The following LRRTM4 variants were observed in gnomAD, a reference collection of about 807,000 sequenced individuals.
The protein encoded by LRRTM4 is leucine-rich repeat transmembrane neuronal protein 4.
Under a neutral mutation model 47.6 loss-of-function variants are expected in LRRTM4, and 25 were observed. The ratio of observed to expected loss-of-function variants is 0.53; its 90% CI spans 0.38 to 0.73. LRRTM4 has a LOEUF of 0.73. Among genes scored for constraint, LRRTM4 ranks in the 30% least tolerant of loss-of-function variants. LRRTM4 has a pLI of 0.00. For synonymous variants in LRRTM4, 311 were observed against 269.5 expected (o/e 1.15, Z -1.51); for missense variants, 638 against 713.4 (o/e 0.89, Z 1.20).
At position 77,042,446 on chromosome 2, in the gene LRRTM4, T is replaced by A. The variant is rs1679066140; in HGVS notation, c.1552-293530A>T. Among the ~76,000 whole-genome samples, 10 of 151,770 alleles carry A rather than the reference T, an allele frequency of 6.6e-5. No homozygotes were observed. In the South Asian group the frequency reaches 2.1e-3, roughly 31 times the overall value. On this transcript the variant is annotated intron_variant, in intron 3 of 3. Coordinates refer to ENST00000409884, the MANE Select transcript of LRRTM4 (RefSeq NM_001134745.3). ...TTTTTAAAAAGTTATTGAGATTATCTCTATTATAAAATTTACTTTGATGTA... is the reference window on the plus strand; with the variant it reads ...TTTTTAAAAAGTTATTGAGATTATCACTATTATAAAATTTACTTTGATGTA...
At chr2:77,333,847 G>C (rs1671060380) in intron 3 of LRRTM4, among the ~76,000 whole-genome samples, 1 of 152,144 alleles carries the variant, frequency 6.6e-6, no homozygotes, top group African/African-American at 2.4e-5. Context: ...CCATGCACCT[G>C]GAAAAGCTGC....
chr2:76,840,932 C>T (rs557935076), intron 3 of LRRTM4, among the ~76,000 whole-genome samples: 1 of 151,662 alleles, frequency 6.6e-6, no homozygotes, highest in South Asian at 2.1e-4. Context: ...TGGGTATATA[C>T]CCAAAGGATT....
intron 3 of LRRTM4, among the ~76,000 whole-genome samples, chr2:77,201,659 A>C (rs1673978427): frequency 6.6e-6 from 1 of 152,108 alleles, no homozygotes; most frequent in African/African-American, 2.4e-5. Flanking sequence ...AGGGAAATAA[A>C]TTTTAAAAAG....
At chr2:76,878,599 C>T (rs527321266) in intron 3 of LRRTM4, among the ~76,000 whole-genome samples, 1 of 152,162 alleles carries the variant, frequency 6.6e-6, no homozygotes, top group African/African-American at 2.4e-5. Context: ...CGCAGTGGCT[C>T]ATGCCTGCAA....
At chr2:77,380,444 T>C (rs746842866) in intron 3 of LRRTM4, among the ~76,000 whole-genome samples, 25 of 152,190 alleles carry the variant, frequency 1.6e-4, no homozygotes, top group Non-Finnish European at 3.4e-4. Flanking sequence ...CTATGTAAAA[T>C]GATATTAAAC....
At chr2:76,822,585 T>C (rs1671082365) in intron 3 of LRRTM4, among the ~76,000 whole-genome samples, 1 of 151,356 alleles carries the variant, frequency 6.6e-6, no homozygotes, top group African/African-American at 2.4e-5. Context: ...TAAACCAACA[T>C]GTAAAAAAAC....
intron 3 of LRRTM4, among the ~76,000 whole-genome samples, chr2:77,021,602 T>G (rs1678272971): frequency 6.6e-6 from 1 of 152,158 alleles, no homozygotes; most frequent in African/African-American, 2.4e-5. Flanking sequence ...AAAGACCACA[T>G]AGAGAAAGAT....
chr2:77,450,916 T>C (rs1398579405), intron 3 of LRRTM4, among the ~76,000 whole-genome samples: 2 of 152,196 alleles, frequency 1.3e-5, no homozygotes, highest in East Asian at 1.9e-4. Flanking sequence ...CTTCACTGCC[T>C]ATGTTTTAAT....
chr2:77,298,766 G>C (rs1573214738), intron 3 of LRRTM4, among the ~76,000 whole-genome samples: 1 of 152,218 alleles, frequency 6.6e-6, no homozygotes, highest in East Asian at 1.9e-4. Context: ...CCATTCATCA[G>C]AAAATATCCT....
chr2:77,008,670 T>C (rs1677752057), intron 3 of LRRTM4, among the ~76,000 whole-genome samples: 1 of 152,154 alleles, frequency 6.6e-6, no homozygotes, highest in Non-Finnish European at 1.5e-5. Flanking sequence ...GTTTGCCATA[T>C]AGCTCATCCT....
At chr2:77,001,678 G>A (rs971757167) in intron 3 of LRRTM4, among the ~76,000 whole-genome samples, 2 of 152,104 alleles carry the variant, frequency 1.3e-5, no homozygotes, top group African/African-American at 4.8e-5. Flanking sequence ...TACAGGCCAT[G>A]TAAGGTATTC....
At chr2:77,100,408 C>A (rs1054619259) in intron 3 of LRRTM4, among the ~76,000 whole-genome samples, 1 of 152,100 alleles carries the variant, frequency 6.6e-6, no homozygotes, top group Non-Finnish European at 1.5e-5. Flanking sequence ...AACGATGGAG[C>A]GCATTGCCTC....
intron 3 of LRRTM4, among the ~76,000 whole-genome samples, chr2:76,869,107 G>A (rs1672550305): frequency 6.6e-6 from 1 of 152,036 alleles, no homozygotes; most frequent in Non-Finnish European, 1.5e-5. Context: ...TCAAGAAATC[G>A]AGATCATCCT....
chr2:77,161,371 A>C (rs1672723473), intron 3 of LRRTM4, among the ~76,000 whole-genome samples: 1 of 152,158 alleles, frequency 6.6e-6, no homozygotes, highest in African/African-American at 2.4e-5. Flanking sequence ...TGCCTCTGCC[A>C]GTCAAATCAT....
intron 3 of LRRTM4, among the ~76,000 whole-genome samples, chr2:77,125,648 C>G (rs1671635282): frequency 6.6e-6 from 1 of 151,958 alleles, no homozygotes; most frequent in Non-Finnish European, 1.5e-5. Flanking sequence ...ACAATTAAAA[C>G]CAAAGTGCAT....
intron 3 of LRRTM4, among the ~76,000 whole-genome samples, chr2:77,458,695 G>T (rs1243751490): frequency 4.6e-5 from 7 of 151,562 alleles, no homozygotes; most frequent in Non-Finnish European, 7.4e-5. Flanking sequence ...AGGTTCGGTG[G>T]ATGGCTGGCT....
At chr2:76,937,825 C>T (rs1402889626) in intron 3 of LRRTM4, among the ~76,000 whole-genome samples, 1 of 152,072 alleles carries the variant, frequency 6.6e-6, no homozygotes, top group Non-Finnish European at 1.5e-5. Flanking sequence ...CTCAGGCTCC[C>T]AAAGTGCTGG....
At chr2:76,843,970 C>T (rs1288883485) in intron 3 of LRRTM4, among the ~76,000 whole-genome samples, 4 of 145,628 alleles carry the variant, frequency 2.7e-5, no homozygotes, top group Non-Finnish European at 5.9e-5. Context: ...GGCGTGATCT[C>T]GGCTCACTGC....
chr2:76,812,503 A>T (rs1296589181), intron 3 of LRRTM4, among the ~76,000 whole-genome samples: 2 of 152,080 alleles, frequency 1.3e-5, no homozygotes, highest in Non-Finnish European at 2.9e-5. Context: ...GTTTAAATTG[A>T]CTGGGAATAC....
Sources: allele counts gnomAD v4.1 joint callset (sites outside exome capture counted in the v4.1 genomes callset), GRCh38; gene constraint gnomAD v4.1.1; transcripts MANE v1.5; gene names NCBI Gene and HGNC (gene_info 2026-07-23, HGNC 2026-07-21).